MYRIP: variants seen among roughly 807,000 people sequenced by gnomAD.
MYRIP encodes the protein rab effector MyRIP.
A neutral mutation model predicts 98.0 loss-of-function variants in MYRIP; 49 were observed. That is an observed-to-expected ratio of 0.50 (90% confidence interval 0.40 to 0.63). MYRIP has a LOEUF of 0.63. Ranked by LOEUF, MYRIP falls within the 30% of genes least tolerant of loss-of-function variation. The probability of loss-of-function intolerance (pLI) is 0.00; values close to 1 mark genes in which losing one functional copy is unlikely to be tolerated. For missense variants in MYRIP, 1,004 were observed against 1,058.2 expected, an observed-to-expected ratio of 0.95 and a Z score of 0.71; for synonymous variants, 404 against 409.5, an observed-to-expected ratio of 0.99 and a Z score of 0.16.
In MYRIP at chr3:39,849,167, A is replaced by G. The variant is rs1030191783; in HGVS notation, c.-31+39251A>G. ...CAGACAGAAAGGACAAAGGACCCAA[A>G]ATGATGGGCTACAACTTGCCTTGTC... On this transcript the variant is annotated intron_variant, in intron 1 of 16. Transcript: ENST00000302541. Among the ~76,000 whole-genome samples the G allele has an allele frequency of 2.0e-5, 3 of 152,162 alleles. No individual in the cohort carries two copies. In the East Asian group the frequency reaches 5.8e-4, roughly 29 times the overall value.
chr3:39,869,713 GA>G (rs1392186893), intron 1 of MYRIP, among the ~76,000 whole-genome samples: 1 of 152,078 alleles, frequency 6.6e-6, no homozygotes, highest in Non-Finnish European at 1.5e-5. Flanking sequence ...AGTTTTACAT[GA>G]CATTATCCAT....
rs146594415 is a variant in MYRIP, at chr3:40,100,013, A to C, written c.333-51035A>C. 7,309 of 985,290 alleles carry C rather than the reference A, an allele frequency of 7.4e-3. 23 individuals are homozygous for C. Among genetic ancestry groups the C allele is most frequent in the Middle Eastern group, 0.017 (32 of 1,914 alleles). 61.0% of individuals were successfully genotyped at this position (985,290 alleles called of 1,614,324 possible). ...ACCTCCCTTCTGAAACTGGTAATAG[A>C]AACGAGCAGTAGCACTGTGCTGTTC... On this transcript the variant is annotated intron_variant, in intron 3 of 16. Coordinates refer to ENST00000302541, the MANE Select transcript of MYRIP (RefSeq NM_015460.4).
intron 3 of MYRIP, among the ~76,000 whole-genome samples, chr3:40,148,041 G>A (rs1009189441): frequency 5.3e-5 from 8 of 152,148 alleles, no homozygotes; most frequent in African/African-American, 1.9e-4. Context: ...CTCTTGTGAT[G>A]ATGGTTTGGC....
chr3:40,032,056 T>C (rs1276089615), intron 2 of MYRIP, among the ~76,000 whole-genome samples: 1 of 152,076 alleles, frequency 6.6e-6, no homozygotes, highest in Non-Finnish European at 1.5e-5. Flanking sequence ...GCTCTTGCTT[T>C]TCTAGTTCTT....
In MYRIP at chr3:39,976,536, C is replaced by T. The variant is rs536774677; in HGVS notation, c.111-67514C>T. Among the ~76,000 whole-genome samples the T allele has an allele frequency of 1.1e-4, 16 of 152,274 alleles. No individual in the cohort carries two copies. The East Asian group carries it at 1.9e-3, about 18-fold the overall frequency. On this transcript the variant is annotated intron_variant, in intron 2 of 16. Coordinates refer to ENST00000302541, the MANE Select transcript of MYRIP (RefSeq NM_015460.4). ...GAAATACCATTTGACCCAGCCATCCCGTTACTGGGTATATACCCAAAGGAT... is the reference window on the plus strand; with the variant it reads ...GAAATACCATTTGACCCAGCCATCCTGTTACTGGGTATATACCCAAAGGAT...
At position 40,250,468 on chromosome 3, in the gene MYRIP, A is replaced by G; in HGVS notation, c.2397A>G (p.Gln799=). ...AAACCATAGATACATCAAGGCAGCA[A>G]AGGAGGAAACTGCCTGCTCCACCGG... ...QVQTIDTSRQ[Q]RRKLPAPPVK... Residue 799 remains glutamine, a synonymous_variant, in exon 15 of 17, where the codon CAA becomes CAG. Coordinates refer to ENST00000302541, the MANE Select transcript of MYRIP (RefSeq NM_015460.4). 6.2e-7 allele frequency: 1 copy of G among 1,614,214 alleles called. No homozygotes were observed. Among genetic ancestry groups the G allele is most frequent in the Non-Finnish European group, 8.5e-7 (1 of 1,180,020 alleles).
At chr3:39,862,482 A>C (rs1942501532) in intron 1 of MYRIP, among the ~76,000 whole-genome samples, 1 of 152,178 alleles carries the variant, frequency 6.6e-6, no homozygotes, top group African/African-American at 2.4e-5. Context: ...ATATGCAAAA[A>C]GCAGGGATTG....
intron 2 of MYRIP, among the ~76,000 whole-genome samples, chr3:39,990,948 C>T (rs182691863): frequency 1.4e-3 from 208 of 152,122 alleles, no homozygotes; most frequent in African/African-American, 4.7e-3. Flanking sequence ...GGGAGTTGAA[C>T]GAAGAACACA....
intron 1 of MYRIP, among the ~76,000 whole-genome samples, chr3:39,838,643 T>A (rs2125591788): frequency 6.6e-6 from 1 of 152,326 alleles, no homozygotes; most frequent in Middle Eastern, 3.4e-3. Context: ...GCATTGATGT[T>A]CTTCAGGGTT....
chr3:40,183,667 C>T (rs1415691802), intron 9 of MYRIP, among the ~76,000 whole-genome samples: 3 of 152,212 alleles, frequency 2.0e-5, no homozygotes, highest in African/African-American at 4.8e-5. Context: ...TTCCTATTTC[C>T]TGCATACACA....
At chr3:40,042,325 A>C (rs1017546736) in intron 2 of MYRIP, among the ~76,000 whole-genome samples, 1 of 150,052 alleles carries the variant, frequency 6.7e-6, no homozygotes, top group African/African-American at 2.4e-5. Context: ...CCAACCTTCA[A>C]CCCACTACAG....
chr3:39,815,634 C>T (rs113735188), intron 1 of MYRIP, among the ~76,000 whole-genome samples: 6 of 152,196 alleles, frequency 3.9e-5, no homozygotes, highest in South Asian at 2.1e-4. Context: ...CTGTAGAAAG[C>T]CATAGGTACT....
At chr3:40,191,405 C>A (rs967554059) in intron 10 of MYRIP, among the ~76,000 whole-genome samples, 5 of 152,184 alleles carry the variant, frequency 3.3e-5, no homozygotes, top group Non-Finnish European at 4.4e-5. Flanking sequence ...ACATCACTGT[C>A]AACTCAATAC....
rs1351489551 is a variant in MYRIP at position 40,251,967 on chromosome 3, A to G, written c.2515A>G (p.Lys839Glu). Residue 839 changes from lysine (K) to glutamate (E), a missense_variant, in exon 16 of 17, where the codon AAG becomes GAG. Lys to Glu is a moderately conservative substitution (Grantham distance 56). Coordinates refer to ENST00000302541, the MANE Select transcript of MYRIP (RefSeq NM_015460.4). ...CCAAGGCTCCTCAACAAACAGGACT[A>G]AGGAAAGGAAAGGCACCACCAAGGA... Reference protein sequence around the residue: ...ILQGSSTNRTKERKGTTKDLM... With the variant: ...ILQGSSTNRTEERKGTTKDLM... 6.2e-7 allele frequency: 1 copy of G among 1,612,198 alleles called. No individual in the cohort carries two copies. The highest frequency in any genetic ancestry group is 1.1e-5 in the South Asian group (1 of 91,026).
chr3:39,964,219 G>A (rs1243773361), intron 2 of MYRIP, among the ~76,000 whole-genome samples: 1 of 151,772 alleles, frequency 6.6e-6, no homozygotes, highest in Non-Finnish European at 1.5e-5. Context: ...ATTCTATTTT[G>A]TTTCAATTCA....
intron 2 of MYRIP, among the ~76,000 whole-genome samples, chr3:40,022,014 T>G (rs1947010760): frequency 6.6e-6 from 1 of 152,246 alleles, no homozygotes; most frequent in South Asian, 2.1e-4. Context: ...AAGGAAGAAT[T>G]GATCAAATGT....
In MYRIP at chr3:40,005,649, G is replaced by T. The variant is rs138051369; in HGVS notation, c.111-38401G>T. Among the ~76,000 whole-genome samples the T allele has an allele frequency of 6.7e-3, 1,019 of 152,306 alleles. 11 individuals carry two copies. The highest frequency in any genetic ancestry group is 0.023 in the African/African-American group (964 of 41,570). On this transcript the variant is annotated intron_variant, in intron 2 of 16. Coordinates refer to ENST00000302541, the MANE Select transcript of MYRIP (RefSeq NM_015460.4). Reference sequence around the variant, plus strand: ...GAAATATTTAATAATAGAAGTATTAGCTGTGTTGCTTCTCATGGATAACAG... The same window carrying T: ...GAAATATTTAATAATAGAAGTATTATCTGTGTTGCTTCTCATGGATAACAG...
intron 1 of MYRIP, among the ~76,000 whole-genome samples, chr3:39,852,230 C>A (rs1394627443): frequency 6.6e-6 from 1 of 152,184 alleles, no homozygotes; most frequent in Non-Finnish European, 1.5e-5. Context: ...GTCTGCAGTT[C>A]TGCCCAACTA....
chr3:39,900,268 T>C (rs576861537), intron 1 of MYRIP, among the ~76,000 whole-genome samples: 13 of 152,270 alleles, frequency 8.5e-5, no homozygotes, highest in East Asian at 5.8e-4. Flanking sequence ...AGAGAACTTA[T>C]TGATTTTTAG....
Sources: allele counts gnomAD v4.1 joint callset (sites outside exome capture counted in the v4.1 genomes callset), GRCh38; gene constraint gnomAD v4.1.1; transcripts MANE v1.5; gene names NCBI Gene and HGNC (gene_info 2026-07-23, HGNC 2026-07-21).